CTNNA3: variants seen among roughly 807,000 people sequenced by gnomAD.
CTNNA3 encodes catenin alpha 3, also known as catenin alpha-3.
Under a neutral mutation model 95.7 loss-of-function variants are expected in CTNNA3, and 76 were observed. The observed-to-expected ratio is 0.79, with a 90% CI of 0.66 to 0.96. The LOEUF is 0.96. CTNNA3 is among the 40% of genes least tolerant of loss of function. The pLI is 0.00. For missense variants in CTNNA3, 1,191 were observed against 1,089.8 expected (o/e 1.09, Z -1.31); for synonymous variants, 431 against 374.4 (o/e 1.15, Z -1.74).
In CTNNA3 at chr10:66,371,776, A is replaced by G. The variant is rs139573758; in HGVS notation, c.1732+7376T>C. Among the ~76,000 whole-genome samples, 537 of 152,272 alleles carry G rather than the reference A, an allele frequency of 3.5e-3. 1 individual carries two copies. Among genetic ancestry groups the G allele is most frequent in the Non-Finnish European group, 2.9e-3 (196 of 68,014 alleles). On this transcript the variant is annotated intron_variant, in intron 12 of 17. Transcript: ENST00000433211. ...GTGTGAGGCAGAGCACTGTCTGCAA[A>G]GAAGCTCGAAGGCCAGGTACTCACC... is the stretch of plus-strand genomic sequence containing the variant.
chr10:67,516,785 C>T (rs1257101996), intron 5 of CTNNA3, among the ~76,000 whole-genome samples: 1 of 152,182 alleles, frequency 6.6e-6, no homozygotes, highest in East Asian at 1.9e-4. Flanking sequence ...CCCTGGAAAG[C>T]ACTCCTCTAC....
Position 66,379,187 on chromosome 10 carries a change from C to A in CTNNA3, c.1697G>T (p.Gly566Val), listed in dbSNP as rs1422468754. ...DSYEPGAYTE[G>V]VMRNVNFLTS... ...AAGGAAGTTAACATTTCTCATTACA[C>A]CTTCCGTGTAAGCCCCTGGCTCGTA... The change falls in exon 12 of 18, where the codon GGT (glycine) becomes GTT (valine). Residue 566 changes from glycine (G) to valine (V), a missense_variant. Coordinates refer to ENST00000433211, the MANE Select transcript of CTNNA3 (RefSeq NM_013266.4). The A allele has an allele frequency of 1.2e-6, 2 of 1,614,000 alleles. No homozygotes were observed. Among genetic ancestry groups the A allele is most frequent in the African/African-American group, 2.7e-5 (2 of 74,920 alleles).
At chr10:67,173,968 C>T (rs1862128295) in intron 7 of CTNNA3, among the ~76,000 whole-genome samples, 2 of 152,158 alleles carry the variant, frequency 1.3e-5, no homozygotes, top group South Asian at 4.1e-4. Context: ...AGGCTTTAAG[C>T]TCTCTGGCCA....
intron 4 of CTNNA3, among the ~76,000 whole-genome samples, chr10:67,538,961 T>A (rs1444082958): frequency 6.6e-6 from 1 of 152,178 alleles, no homozygotes; most frequent in Non-Finnish European, 1.5e-5. Context: ...TAACTTTATA[T>A]CCTCCTAGCT....
chr10:67,387,200 C>T (rs939666964), intron 5 of CTNNA3, among the ~76,000 whole-genome samples: 5 of 152,216 alleles, frequency 3.3e-5, no homozygotes, highest in South Asian at 2.1e-4. Flanking sequence ...AGTGGGTGCG[C>T]GCACCGTGCA....
At chr10:66,360,735 TCTTTCTTTCTTCCTTC>T (rs1166378677) in intron 12 of CTNNA3, among the ~76,000 whole-genome samples, 6 of 88,232 alleles carry the variant, frequency 6.8e-5, no homozygotes, top group Non-Finnish European at 8.6e-5. Context: ...TTTCTTTCTT[TCTTTCTTTCTTCCTTC>T]CTTCCTTCCT....
At chr10:66,118,835 A>T (rs1167166652) in intron 13 of CTNNA3, among the ~76,000 whole-genome samples, 1 of 152,174 alleles carries the variant, frequency 6.6e-6, no homozygotes, top group African/African-American at 2.4e-5. Flanking sequence ...TGAACCAAGC[A>T]TCAGCTTGGT....
intron 7 of CTNNA3, among the ~76,000 whole-genome samples, chr10:66,888,728 G>A (rs887429793): frequency 7.9e-5 from 12 of 152,104 alleles, no homozygotes. Flanking sequence ...CCAAATGCTG[G>A]CAAGGATATG....
intron 17 of CTNNA3, among the ~76,000 whole-genome samples, chr10:65,957,381 C>A (rs546602322): frequency 3.3e-5 from 5 of 152,208 alleles, no homozygotes; most frequent in African/African-American, 1.2e-4. Context: ...AGCATTTAGC[C>A]CATTTGCATT....
At chr10:67,627,113 G>A (rs761659268) in intron 2 of CTNNA3, among the ~76,000 whole-genome samples, 4 of 152,120 alleles carry the variant, frequency 2.6e-5, no homozygotes, top group Non-Finnish European at 5.9e-5. Flanking sequence ...AGTGCTGGCT[G>A]CTGGGCTCCC....
chr10:66,123,578 G>T (rs369829867), intron 13 of CTNNA3, among the ~76,000 whole-genome samples: 9 of 152,252 alleles, frequency 5.9e-5, no homozygotes, highest in African/African-American at 2.2e-4. Flanking sequence ...CTGTATAGGG[G>T]CTCTGACCCC....
At chr10:66,892,861 G>A (rs1845326549) in intron 7 of CTNNA3, among the ~76,000 whole-genome samples, 1 of 152,044 alleles carries the variant, frequency 6.6e-6, no homozygotes, top group African/African-American at 2.4e-5. Context: ...GCCAAAATCA[G>A]AATTAGCACA....
intron 1 of CTNNA3, among the ~76,000 whole-genome samples, chr10:67,665,852 C>T (rs2133539324): frequency 6.6e-6 from 1 of 152,276 alleles, no homozygotes. Context: ...CCACTATCAA[C>T]TTCTAAATAC....
At chr10:66,717,391 G>A (rs1459646268) in intron 9 of CTNNA3, among the ~76,000 whole-genome samples, 1 of 152,068 alleles carries the variant, frequency 6.6e-6, no homozygotes, top group Non-Finnish European at 1.5e-5. Flanking sequence ...ACAAACCACG[G>A]TTTCTAGAAT....
In CTNNA3 at chr10:66,985,963, T is replaced by C. The variant is rs543250455; in HGVS notation, c.1047+194354A>G. On this transcript the variant is annotated intron_variant, in intron 7 of 17. Transcript: ENST00000433211. ...GGATGGTCTCGATCTCCTGACCTCA[T>C]GATCCTCTGGCCTTGGCCTCCAAAA... Among the ~76,000 whole-genome samples the C allele has an allele frequency of 3.3e-5, 5 of 152,206 alleles. No homozygotes were observed. In the South Asian group the frequency reaches 1.0e-3, roughly 32 times the overall value.
At chr10:66,467,714 T>G (rs1251105334) in intron 11 of CTNNA3, among the ~76,000 whole-genome samples, 1 of 152,084 alleles carries the variant, frequency 6.6e-6, no homozygotes, top group African/African-American at 2.4e-5. Context: ...TAAAAGGGTT[T>G]AGAAAAAACA....
At chr10:67,333,646 T>C (rs966899349) in intron 5 of CTNNA3, among the ~76,000 whole-genome samples, 2 of 152,200 alleles carry the variant, frequency 1.3e-5, no homozygotes, top group Non-Finnish European at 2.9e-5. Context: ...TTCATACCCA[T>C]GCTATTTTGT....
chr10:66,475,183 A>G (rs1281665356), intron 11 of CTNNA3, among the ~76,000 whole-genome samples: 1 of 152,102 alleles, frequency 6.6e-6, no homozygotes, highest in Non-Finnish European at 1.5e-5. Context: ...AGTCTCTTCA[A>G]TAAACAGCAC....
intron 7 of CTNNA3, among the ~76,000 whole-genome samples, chr10:66,778,514 C>T (rs1337934079): frequency 6.6e-6 from 1 of 152,094 alleles, no homozygotes. Flanking sequence ...TAAAGAAATC[C>T]TTGACAGAAG....
Sources: gnomAD v4.1 joint callset for allele counts (sites outside exome capture counted in the v4.1 genomes callset) on GRCh38, gnomAD v4.1.1 for gene constraint, MANE v1.5 for transcripts, NCBI Gene and HGNC (gene_info 2026-07-23, HGNC 2026-07-21) for gene names.